Variants in MCCC2 observed in about 807,000 individuals in gnomAD.
MCCC2 encodes methylcrotonoyl-CoA carboxylase beta chain, mitochondrial.
MCCC2 carries 52 observed loss-of-function variants against 77.2 expected under a neutral mutation model. The ratio of observed to expected loss-of-function variants is 0.67; its 90% CI spans 0.54 to 0.85. MCCC2 has a LOEUF of 0.85. MCCC2 is among the 40% of genes least tolerant of loss of function. The pLI is 0.00. For missense variants in MCCC2, 682 were observed against 703.2 expected (o/e 0.97, Z 0.34); for synonymous variants, 253 against 248.4 (o/e 1.02, Z -0.18).
At chr5:71,632,209 T>C (rs748304936) in intron 8 of MCCC2, 24 bp downstream of exon 8, 2 of 1,610,978 alleles carry the variant, frequency 1.2e-6, no homozygotes, top group South Asian at 1.1e-5. Flanking sequence ...GGTTGTTTCT[T>C]TCCGGGATTG....
intron 7 of MCCC2, among the ~76,000 whole-genome samples, chr5:71,629,158 T>C (rs761279893): frequency 6.6e-6 from 1 of 150,880 alleles, no homozygotes; most frequent in Non-Finnish European, 1.5e-5. Context: ...GGGTTGAGAT[T>C]GCGCTACTGC....
At chr5:71,628,647 A>C (rs1300399455) in intron 7 of MCCC2, among the ~76,000 whole-genome samples, 2 of 152,192 alleles carry the variant, frequency 1.3e-5, no homozygotes, top group African/African-American at 4.8e-5. Context: ...TCCTTTCCCC[A>C]TTGAATGGTC....
chr5:71,609,560 T>A (rs1367398453), intron 6 of MCCC2, among the ~76,000 whole-genome samples: 1 of 150,398 alleles, frequency 6.6e-6, no homozygotes, highest in Non-Finnish European at 1.5e-5. Flanking sequence ...AGCCTTCTTC[T>A]CTCAGCTCAT....
At chr5:71,628,010 AT>A (rs1746589263) in intron 7 of MCCC2, among the ~76,000 whole-genome samples, 1 of 151,830 alleles carries the variant, frequency 6.6e-6, no homozygotes, top group Non-Finnish European at 1.5e-5. Flanking sequence ...CTCCCGGCTA[AT>A]TTTTGTATTT....
chr5:71,656,021 C>T (rs1156444414), intron 16 of MCCC2, among the ~76,000 whole-genome samples: 2 of 152,140 alleles, frequency 1.3e-5, no homozygotes, highest in Non-Finnish European at 2.9e-5. Flanking sequence ...TCAAAACTGG[C>T]CTGGCCAACA....
intron 7 of MCCC2, 82 bp downstream of exon 7, chr5:71,626,835 T>C: frequency 7.8e-7 from 1 of 1,274,070 alleles, no homozygotes; most frequent in Non-Finnish European, 1.1e-6. Flanking sequence ...TTTGATGTTT[T>C]AAAAAATATT....
At chr5:71,607,673 T>G (rs1248189394) in intron 6 of MCCC2, among the ~76,000 whole-genome samples, 3 of 147,840 alleles carry the variant, frequency 2.0e-5, no homozygotes, top group Non-Finnish European at 4.5e-5. Flanking sequence ...GATGTTAGGG[T>G]GTCAATTTTG....
intron 6 of MCCC2, among the ~76,000 whole-genome samples, chr5:71,605,511 T>C (rs1745634895): frequency 1.3e-5 from 2 of 151,602 alleles, no homozygotes; most frequent in Admixed American, 1.3e-4. Flanking sequence ...GTGAAAATTT[T>C]CTCCCATTTT....
chr5:71,591,161 A>G (rs1421542797), intron 1 of MCCC2, among the ~76,000 whole-genome samples: 1 of 152,244 alleles, frequency 6.6e-6, no homozygotes, highest in Non-Finnish European at 1.5e-5. Flanking sequence ...TTGAACAGTT[A>G]GGAAGTTGCT....
At chr5:71,611,799 T>C (rs6874363) in intron 6 of MCCC2, among the ~76,000 whole-genome samples, 1 of 151,502 alleles carries the variant, frequency 6.6e-6, no homozygotes, top group African/African-American at 2.4e-5. Flanking sequence ...TTTTCTTTTT[T>C]TTTTTTTGAG....
chr5:71,588,025 T>G (rs1207505975), intron 1 of MCCC2, among the ~76,000 whole-genome samples: 2 of 151,926 alleles, frequency 1.3e-5, no homozygotes, highest in African/African-American at 4.8e-5. Flanking sequence ...TCCCAGCGCT[T>G]TGGGAGGCCC....
chr5:71,647,777 C>T (rs769539783), intron 13 of MCCC2, among the ~76,000 whole-genome samples: 3 of 152,142 alleles, frequency 2.0e-5, no homozygotes, highest in Admixed American at 6.5e-5. Flanking sequence ...TGACAGTCTT[C>T]GAGTACCTCT....
intron 3 of MCCC2, among the ~76,000 whole-genome samples, chr5:71,599,251 T>C (rs888709023): frequency 6.6e-6 from 1 of 152,080 alleles, no homozygotes; most frequent in African/African-American, 2.4e-5. Flanking sequence ...ATGCCTGTAA[T>C]CCCAGTTACT....
In MCCC2 at chr5:71,656,818, C is replaced by G. The variant is rs200915932; in HGVS notation, c.1650C>G (p.Asn550Lys). 1 of 1,614,038 alleles carries G rather than the reference C, an allele frequency of 6.2e-7. No homozygotes were observed. Among genetic ancestry groups the G allele is most frequent in the Admixed American group, 1.7e-5 (1 of 60,002 alleles). The stretch of plus-strand genomic sequence containing the variant: ...GTCTCAGTTTTAGTGCAGCCCTCAA[C>G]GCACCAATAGAGAAGACTGACTTCG... ...VLGLSFSAAL[N>K]APIEKTDFGI... Residue 550 changes from asparagine to lysine, a missense_variant, in exon 17 of 17, where the codon AAC (asparagine) becomes AAG (lysine). Asn to Lys is a moderately conservative substitution (Grantham distance 94). Transcript: ENST00000340941.
At chr5:71,652,545 A>G in intron 15 of MCCC2, 124 bp from the exon 16 acceptor site, 1 of 774,418 alleles carries the variant, frequency 1.3e-6, no homozygotes, top group Non-Finnish European at 2.3e-6. Context: ...TTTATACATC[A>G]CTATGCACAT....
chr5:71,632,287 C>A, intron 8 of MCCC2, 102 bp downstream of exon 8: 1 of 1,033,920 alleles, frequency 9.7e-7, no homozygotes, highest in Non-Finnish European at 1.5e-6. Context: ...ACTTGCCAGA[C>A]CACACCACAG....
intron 10 of MCCC2, among the ~76,000 whole-genome samples, chr5:71,637,770 G>A (rs915727580): frequency 2.6e-5 from 4 of 152,000 alleles, no homozygotes; most frequent in African/African-American, 7.3e-5. Context: ...CCAGGCTGGA[G>A]TGCAGTGGCG....
chr5:71,643,082 AC>A (rs1303158189), intron 11 of MCCC2, among the ~76,000 whole-genome samples: 2 of 151,784 alleles, frequency 1.3e-5, no homozygotes, highest in Non-Finnish European at 2.9e-5. Context: ...GAAAAAAAAA[AC>A]AAATCTTTAA....
At chr5:71,636,606 CAA>C (rs1746939127) in intron 10 of MCCC2, 1 of 152,004 alleles carries the variant, frequency 6.6e-6, no homozygotes, top group Non-Finnish European at 1.5e-5. Flanking sequence ...GAGGCCGAAA[CAA>C]GAGAATCGCT....
Sources: allele counts gnomAD v4.1 joint callset (sites outside exome capture counted in the v4.1 genomes callset), GRCh38; gene constraint gnomAD v4.1.1; transcripts MANE v1.5; gene names NCBI Gene and HGNC (gene_info 2026-07-23, HGNC 2026-07-21).